The following WWOX variants were observed in gnomAD, a reference collection of about 807,000 sequenced individuals.
WWOX encodes the protein WW domain-containing oxidoreductase.
Under a neutral mutation model 46.2 loss-of-function variants are expected in WWOX, and 69 were observed. The ratio of observed to expected loss-of-function variants is 1.49; its 90% CI spans 1.23 to 1.82. WWOX has a LOEUF of 1.82. WWOX is among the 40% of genes most tolerant of loss of function. The probability of loss-of-function intolerance (pLI) is 0.00; values close to 1 mark genes in which losing one functional copy is unlikely to be tolerated. For synonymous variants in WWOX, 359 were observed against 202.6 expected (o/e 1.77, Z -6.56); for missense variants, 919 against 542.6 (o/e 1.69, Z -6.89).
intron 5 of WWOX, among the ~76,000 whole-genome samples, chr16:78,308,777 T>C (rs1384351040): frequency 6.6e-6 from 1 of 152,168 alleles, no homozygotes; most frequent in East Asian, 1.9e-4. Flanking sequence ...CCTTGGTCTT[T>C]TTGTGGACTT....
At chr16:78,815,365 G>A (rs899730283) in intron 8 of WWOX, among the ~76,000 whole-genome samples, 2 of 151,752 alleles carry the variant, frequency 1.3e-5, no homozygotes, top group African/African-American at 4.8e-5. Context: ...CATTTTAGCT[G>A]ACAAGGGCAG....
At chr16:78,882,602 AGT>A (rs2044366440) in intron 8 of WWOX, among the ~76,000 whole-genome samples, 1 of 32,768 alleles carries the variant, frequency 3.1e-5, no homozygotes, top group Non-Finnish European at 6.1e-5. Flanking sequence ...TCGCCTCCCG[AGT>A]AGCCTCCCGA....
At chr16:78,759,595 A>G (rs767941791) in intron 8 of WWOX, among the ~76,000 whole-genome samples, 3 of 152,144 alleles carry the variant, frequency 2.0e-5, no homozygotes, top group African/African-American at 7.2e-5. Flanking sequence ...AGAATTCTCA[A>G]TCTGTGGATG....
chr16:78,753,870 A>G (rs1364381533), intron 8 of WWOX, among the ~76,000 whole-genome samples: 1 of 133,910 alleles, frequency 7.5e-6, no homozygotes, highest in Non-Finnish European at 1.6e-5. Context: ...ATGTATATGT[A>G]TATATAAATT....
At chr16:78,866,241 C>A (rs928435314) in intron 8 of WWOX, among the ~76,000 whole-genome samples, 4 of 151,914 alleles carry the variant, frequency 2.6e-5, no homozygotes, top group Non-Finnish European at 5.9e-5. Context: ...AATCAGAGCC[C>A]GCAGTTTCAT....
intron 8 of WWOX, among the ~76,000 whole-genome samples, chr16:79,157,177 G>A (rs889562818): frequency 7.9e-5 from 12 of 152,214 alleles, no homozygotes; most frequent in African/African-American, 2.9e-4. Flanking sequence ...GCAAGAAATT[G>A]TGACTATGAA....
chr16:79,124,089 G>C (rs1371118839), intron 8 of WWOX, among the ~76,000 whole-genome samples: 1 of 151,470 alleles, frequency 6.6e-6, no homozygotes, highest in Non-Finnish European at 1.5e-5. Flanking sequence ...TGCTCTGAAA[G>C]CCCTCCTGAT....
At chr16:79,075,539 T>C (rs544168425) in intron 8 of WWOX, among the ~76,000 whole-genome samples, 26 of 120,618 alleles carry the variant, frequency 2.2e-4, no homozygotes, top group African/African-American at 7.7e-4. Context: ...GATTTTTCCT[T>C]TCTCTCTCTC....
intron 8 of WWOX, among the ~76,000 whole-genome samples, chr16:78,759,382 C>G (rs9935043): frequency 0.49 from 75,133 of 152,080 alleles, 20,920 homozygotes; most frequent in Non-Finnish European, 0.62. Flanking sequence ...TTTTTCTATT[C>G]TACCCTCTCT....
At chr16:79,138,386 C>T (rs564135902) in intron 8 of WWOX, among the ~76,000 whole-genome samples, 198 of 152,294 alleles carry the variant, frequency 1.3e-3, no homozygotes, top group Non-Finnish European at 2.6e-3. Context: ...CTGCCCAGTG[C>T]CTTCCCCATT....
At chr16:78,524,220 G>C (rs910500623) in intron 8 of WWOX, among the ~76,000 whole-genome samples, 5 of 152,030 alleles carry the variant, frequency 3.3e-5, no homozygotes, top group Admixed American at 6.5e-5. Context: ...GCTATTGTTA[G>C]TTTCTAAAGG....
intron 8 of WWOX, among the ~76,000 whole-genome samples, chr16:78,769,862 TAAA>T (rs1037040070): frequency 1.3e-5 from 2 of 150,554 alleles, no homozygotes; most frequent in Non-Finnish European, 3.0e-5. Context: ...AAAAATAAAA[TAAA>T]AAAATAAAAA....
chr16:78,951,409 A>G (rs1164458000), intron 8 of WWOX, among the ~76,000 whole-genome samples: 2 of 152,116 alleles, frequency 1.3e-5, no homozygotes, highest in Non-Finnish European at 2.9e-5. Flanking sequence ...CATTGAGCCA[A>G]TCACCGTCTT....
intron 5 of WWOX, among the ~76,000 whole-genome samples, chr16:78,249,893 G>A (rs918815988): frequency 6.6e-6 from 1 of 152,146 alleles, no homozygotes; most frequent in Non-Finnish European, 1.5e-5. Context: ...GGAGAAATGG[G>A]AGGAAAGGGC....
At chr16:79,067,658 A>G (rs1482761768) in intron 8 of WWOX, among the ~76,000 whole-genome samples, 1 of 151,032 alleles carries the variant, frequency 6.6e-6, no homozygotes, top group African/African-American at 2.4e-5. Context: ...ACTTATCACC[A>G]CCTGCATATT....
intron 8 of WWOX, among the ~76,000 whole-genome samples, chr16:79,025,841 T>G (rs1361775954): frequency 1.4e-5 from 2 of 145,044 alleles, no homozygotes; most frequent in Non-Finnish European, 3.0e-5. Flanking sequence ...TCTTGTCGCC[T>G]AGGCTGGAGT....
intron 8 of WWOX, among the ~76,000 whole-genome samples, chr16:79,190,550 C>G (rs367810250): frequency 1.3e-5 from 2 of 152,260 alleles, no homozygotes; most frequent in African/African-American, 4.8e-5. Context: ...ACGTTTCCAA[C>G]TTGGATTAAA....
rs373666148 is a variant in WWOX at position 79,138,653 on chromosome 16, T to C, written c.1057-72955T>C. Among the ~76,000 whole-genome samples the C allele has an allele frequency of 1.2e-3, 178 of 152,300 alleles. 2 individuals carry two copies. The highest frequency in any genetic ancestry group is 3.4e-3 in the Middle Eastern group (1 of 294). Reference sequence around the variant, plus strand: ...TTTAACCCAACACTTAGAGGGGTCCTCCATGTACAGCCATGATCACAACTC... The same window carrying C: ...TTTAACCCAACACTTAGAGGGGTCCCCCATGTACAGCCATGATCACAACTC... On this transcript the variant is annotated intron_variant, in intron 8 of 8. Transcript: ENST00000566780.
intron 5 of WWOX, among the ~76,000 whole-genome samples, chr16:78,175,013 A>ATAATAG (rs1567612834): frequency 6.8e-6 from 1 of 146,056 alleles, no homozygotes; most frequent in Non-Finnish European, 1.5e-5. Flanking sequence ...AATAATAATA[A>ATAATAG]TAATAATAAT....
Sources: allele counts gnomAD v4.1 joint callset (sites outside exome capture counted in the v4.1 genomes callset), GRCh38; gene constraint gnomAD v4.1.1; transcripts MANE v1.5; gene names NCBI Gene and HGNC (gene_info 2026-07-23, HGNC 2026-07-21).